FAT3: variants seen among roughly 807,000 people sequenced by gnomAD.
FAT3 encodes FAT atypical cadherin 3.
FAT3 carries 95 observed loss-of-function variants against 310.2 expected under a neutral mutation model. That is an observed-to-expected ratio of 0.31 (90% confidence interval 0.26 to 0.36). The LOEUF is 0.36. Ranked by LOEUF, FAT3 falls within the 10% of genes least tolerant of loss-of-function variation. The pLI is 1.00. For missense variants in FAT3, 5,408 were observed against 5,715.6 expected (o/e 0.95, Z 1.74); for synonymous variants, 2,314 against 2,192.9 (o/e 1.06, Z -1.54).
intron 2 of FAT3, among the ~76,000 whole-genome samples, chr11:92,380,018 A>C (rs903122962): frequency 6.6e-6 from 1 of 151,730 alleles, no homozygotes; most frequent in African/African-American, 2.4e-5. Context: ...CAGGATGGAT[A>C]GTTCTCTTGC....
intron 4 of FAT3, among the ~76,000 whole-genome samples, chr11:92,729,603 T>G (rs939051263): frequency 6.6e-6 from 1 of 151,862 alleles, no homozygotes; most frequent in African/African-American, 2.4e-5. Context: ...ATTTTTTGTA[T>G]TTTAGTAGAG....
chr11:92,280,142 C>T (rs1946384275), intron 1 of FAT3, among the ~76,000 whole-genome samples: 1 of 152,068 alleles, frequency 6.6e-6, no homozygotes, highest in African/African-American at 2.4e-5. Flanking sequence ...AAGTGTCCTT[C>T]CAAGGAAGAG....
intron 1 of FAT3, among the ~76,000 whole-genome samples, chr11:92,273,914 T>C (rs1204386826): frequency 1.3e-5 from 2 of 152,166 alleles, no homozygotes; most frequent in East Asian, 3.9e-4. Context: ...ATATTTCTGA[T>C]ATAATAAACC....
At chr11:92,285,419 G>A (rs1409489668) in intron 1 of FAT3, among the ~76,000 whole-genome samples, 1 of 152,136 alleles carries the variant, frequency 6.6e-6, no homozygotes, top group East Asian at 1.9e-4. Flanking sequence ...AAGCGAATAT[G>A]CTGTGCAAGC....
At position 92,891,183 on chromosome 11, in the gene FAT3, C is replaced by G. The variant is rs2136451777; in HGVS notation, c.*70C>G. The G allele has an allele frequency of 6.4e-7, 1 of 1,554,918 alleles. No individual in the cohort carries two copies. Among genetic ancestry groups the G allele is most frequent in the Non-Finnish European group, 8.7e-7 (1 of 1,147,778 alleles). On this transcript the variant is annotated 3_prime_UTR_variant, in exon 28 of 28. Transcript: ENST00000525166. ...GAAGCAGATTGGCTGGGCTTCTGTC[C>G]CAGTGGAGCATTGTCTGTGGAATGA...
At chr11:92,394,070 A>C (rs1192556295) in intron 2 of FAT3, among the ~76,000 whole-genome samples, 1 of 152,180 alleles carries the variant, frequency 6.6e-6, no homozygotes, top group African/African-American at 2.4e-5. Context: ...AGCACTGGAC[A>C]TGTAGGAGGT....
chr11:92,799,311 G>A lies in FAT3; in HGVS notation c.6298G>A (p.Gly2100Arg), dbSNP rs201549584. 1.4e-4 allele frequency: 220 copies of A among 1,613,872 alleles called. 1 individual carries two copies. In the African/African-American group the frequency reaches 1.8e-3, roughly 13 times the overall value. The change falls in exon 10 of 28, where the codon GGG becomes AGG. Residue 2100 changes from glycine to arginine, a missense_variant. Coordinates refer to ENST00000525166, the MANE Select transcript of FAT3 (RefSeq NM_001367949.2). ...YAAVQVDAEP[G>R]TLIYQVTAID... ...TGCTGTTCAAGTGGATGCGGAACCC[G>A]GGACTCTGATTTATCAGGTGACAGC...
chr11:92,416,916 A>C (rs894199087), intron 2 of FAT3, among the ~76,000 whole-genome samples: 8 of 152,218 alleles, frequency 5.3e-5, no homozygotes, highest in African/African-American at 1.4e-4. Context: ...GATGAGCACC[A>C]GGACAGATGT....
intron 9 of FAT3, among the ~76,000 whole-genome samples, chr11:92,794,211 A>C (rs1315539373): frequency 6.6e-6 from 1 of 152,042 alleles, no homozygotes; most frequent in Non-Finnish European, 1.5e-5. Flanking sequence ...TAATTATATA[A>C]TCTTTGTTCT....
intron 1 of FAT3, among the ~76,000 whole-genome samples, chr11:92,234,577 G>A (rs1864331956): frequency 6.6e-6 from 1 of 151,804 alleles, no homozygotes. Context: ...GACCTGCCTG[G>A]CCAACATATA....
intron 3 of FAT3, among the ~76,000 whole-genome samples, chr11:92,578,451 G>A (rs1894027): frequency 0.74 from 112,750 of 151,994 alleles, 44,085 homozygotes; most frequent in Non-Finnish European, 0.88. Context: ...AAAAACATAG[G>A]GAACATAAGT....
intron 13 of FAT3, among the ~76,000 whole-genome samples, chr11:92,829,930 A>T (rs1399465138): frequency 6.6e-6 from 1 of 152,182 alleles, no homozygotes; most frequent in Non-Finnish European, 1.5e-5. Flanking sequence ...CTTGGGCTTA[A>T]GGGAAATTGT....
chr11:92,590,925 G>C (rs1004219613), intron 3 of FAT3, among the ~76,000 whole-genome samples: 1 of 152,010 alleles, frequency 6.6e-6, no homozygotes, highest in Non-Finnish European at 1.5e-5. Context: ...TCGATTACAA[G>C]AAAAAATGGA....
chr11:92,245,755 A>G (rs1361003145), intron 1 of FAT3, among the ~76,000 whole-genome samples: 1 of 152,172 alleles, frequency 6.6e-6, no homozygotes, highest in Non-Finnish European at 1.5e-5. Context: ...TTATTTGCAA[A>G]AACTGGCTAC....
At chr11:92,343,343 G>C (rs190815799) in intron 1 of FAT3, among the ~76,000 whole-genome samples, 56 of 152,128 alleles carry the variant, frequency 3.7e-4, no homozygotes, top group Admixed American at 2.9e-3. Flanking sequence ...CCCTTGTGCA[G>C]AATGACAAAG....
chr11:92,707,495 G>C (rs1428844373), intron 4 of FAT3, among the ~76,000 whole-genome samples: 2 of 152,196 alleles, frequency 1.3e-5, no homozygotes, highest in Admixed American at 6.5e-5. Context: ...GTGGGAGGGA[G>C]CCTATTACCC....
Position 92,598,229 on chromosome 11 carries a change from TA to T in FAT3, c.3607+73282del, listed in dbSNP as rs200137640. On this transcript the variant is annotated intron_variant, in intron 3 of 27. Transcript: ENST00000525166. ...ATATATGTATACATATATATATATA[TA>T]TTTTTTTTTTTTTTGAGACAAAGTC... is the stretch of plus-strand genomic sequence containing the variant. Among the ~76,000 whole-genome samples the T allele has an allele frequency of 2.9e-3, 338 of 116,860 alleles. 7 individuals are homozygous for T. In the East Asian group the frequency reaches 0.049, roughly 17 times the overall value. The allele number at this position is 116,860 out of a possible 152,430, so 76.7% of individuals were successfully genotyped here.
intron 4 of FAT3, among the ~76,000 whole-genome samples, chr11:92,739,656 A>T (rs1236423822): frequency 6.6e-6 from 1 of 152,186 alleles, no homozygotes; most frequent in Non-Finnish European, 1.5e-5. Flanking sequence ...CTTATTCACA[A>T]AGTTACATGT....
chr11:92,403,887 T>G lies in FAT3; in HGVS notation c.3292+48483T>G, dbSNP rs1185004147. 5.3e-5 allele frequency among the ~76,000 whole-genome samples: 8 copies of G among 152,088 alleles called. No homozygotes were observed. In the East Asian group the frequency reaches 1.5e-3, roughly 29 times the overall value. ...CCGTCTCTATGAAAAATACAAAATA[T>G]TAGCTGGACATGGTGGTGGGTGCCT... On this transcript the variant is annotated intron_variant, in intron 2 of 27. Coordinates refer to ENST00000525166, the MANE Select transcript of FAT3 (RefSeq NM_001367949.2).
Sources: allele counts gnomAD v4.1 joint callset (sites outside exome capture counted in the v4.1 genomes callset), GRCh38; gene constraint gnomAD v4.1.1; transcripts MANE v1.5; gene names NCBI Gene and HGNC (gene_info 2026-07-23, HGNC 2026-07-21).